The following IL18BP variants were observed in gnomAD, a reference collection of about 807,000 sequenced individuals.
IL18BP encodes the protein interleukin-18-binding protein.
Under a neutral mutation model 19.9 loss-of-function variants are expected in IL18BP, and 23 were observed. The observed-to-expected ratio is 1.15, with a 90% CI of 0.83 to 1.64. IL18BP has a LOEUF of 1.64. Among genes scored for constraint, IL18BP ranks in the 40% most tolerant of loss-of-function variants. The pLI, the probability that IL18BP is intolerant of heterozygous loss-of-function variation, is 0.00. For missense variants in IL18BP, 239 were observed against 240.7 expected, an observed-to-expected ratio of 0.99 and a Z score of 0.05; for synonymous variants, 107 against 101.0, an observed-to-expected ratio of 1.06 and a Z score of -0.35.
chr11:72,004,737 A>C (rs1478018132), downstream of IL18BP: 1 of 1,612,654 alleles, frequency 6.2e-7, no homozygotes, highest in Non-Finnish European at 8.5e-7. Flanking sequence ...GATTGGCTGC[A>C]TGCTGGCTCG....
Position 72,001,974 on chromosome 11 carries a change from C to CAG in IL18BP, c.*113_*114insAG. 6.9e-7 allele frequency: 1 copy of CAG among 1,452,130 alleles called. No individual in the cohort carries two copies. The highest frequency in any genetic ancestry group is 9.4e-7 in the Non-Finnish European group (1 of 1,068,492). The allele number at this position is 1,452,130 out of a possible 1,614,324, so 90.0% of individuals were successfully genotyped here. A position where few individuals can be genotyped will look rare whatever the true frequency, so the allele number is the denominator to read the frequency against. On this transcript the variant is annotated 3_prime_UTR_variant, in exon 6 of 6. Transcript: ENST00000393703. ...GTAGGCTGCGTGGATGCGCAACACA[C>CAG]CCCCTCCTTCTCTGCTTTGGGTCCC...
downstream of IL18BP, chr11:72,004,042 TC>T: frequency 6.2e-7 from 1 of 1,613,704 alleles, no homozygotes; most frequent in Non-Finnish European, 8.5e-7. Flanking sequence ...AGAAGGCTGT[TC>T]CCTAGCTTCT....
rs1396719015 is a variant in IL18BP, at chr11:72,000,536, C to T, written c.214C>T (p.Pro72Ser). Residue 72 changes from proline to serine, a missense_variant, in exon 3 of 6, where the codon CCA (proline) becomes TCA (serine). Coordinates refer to ENST00000393703, the MANE Select transcript of IL18BP (RefSeq NM_001039660.2). ...GTGTCCAGCATTGGAAGTGACCTGG[C>T]CAGAGGTGGAAGTGCCACTGAGTAA... The part of the protein sequence containing the change: ...KQCPALEVTW[P>S]EVEVPLNGTL... 6 of 1,611,988 alleles carry T rather than the reference C, an allele frequency of 3.7e-6. No homozygotes were observed. In the East Asian group the frequency reaches 1.1e-4, roughly 30 times the overall value.
At chr11:72,003,932 G>A (rs377519577), downstream of IL18BP, 24 of 1,613,150 alleles carry the variant, frequency 1.5e-5, no homozygotes, top group East Asian at 2.2e-5. Flanking sequence ...CAGCAGTGGC[G>A]GCGCTGGCTG....
chr11:72,003,828 T>C, downstream of IL18BP: 1 of 1,562,496 alleles, frequency 6.4e-7, no homozygotes, highest in Non-Finnish European at 8.8e-7. Flanking sequence ...GGTGGGGCGG[T>C]CTGGGGGGTG....
downstream of IL18BP, chr11:72,004,694 C>A (rs770671902): frequency 3.1e-6 from 5 of 1,613,574 alleles, 1 homozygote; most frequent in Admixed American, 8.3e-5. Context: ...TGCGCTGCTG[C>A]CGGGTGGTGA....
downstream of IL18BP, chr11:72,004,661 G>C (rs1955556560): frequency 6.2e-7 from 1 of 1,612,930 alleles, no homozygotes. Flanking sequence ...CAGGGCCCTG[G>C]TGGGGCTCTA....
At chr11:72,005,504 G>T (rs74748609), downstream of IL18BP, 1 of 771,384 alleles carries the variant, frequency 1.3e-6, no homozygotes, top group East Asian at 2.7e-5. Flanking sequence ...ATTCAGTGCC[G>T]CAGGTGCAGG....
chr11:72,004,914 G>GT, downstream of IL18BP: 1 of 1,199,142 alleles, frequency 8.3e-7, no homozygotes, highest in Non-Finnish European at 1.1e-6. Context: ...CGACACTTAT[G>GT]GTCGGGACCC....
At chr11:72,006,043 G>A (rs1164879993), downstream of IL18BP, 1 of 1,611,318 alleles carries the variant, frequency 6.2e-7, no homozygotes, top group Non-Finnish European at 8.5e-7. Flanking sequence ...ACCTGGAGGG[G>A]CCCCACTGGA....
chr11:72,003,250 GTTGTGATGGAGAAGTGA>G (rs1955384264), downstream of IL18BP: 5 of 504,616 alleles, frequency 9.9e-6, 1 homozygote, highest in South Asian at 1.3e-4. Context: ...CTCAAATCTG[GTTGTGATGGAGAAGTGA>G]CTTTGCTTTA....
downstream of IL18BP, chr11:72,006,335 A>G: frequency 7.6e-7 from 1 of 1,315,956 alleles, no homozygotes; most frequent in Middle Eastern, 1.9e-4. Flanking sequence ...TTCCCTTCCG[A>G]AGCCCTCAGA....
downstream of IL18BP, chr11:72,008,111 A>C (rs1422522889): frequency 8.3e-6 from 4 of 479,456 alleles, no homozygotes; most frequent in Non-Finnish European, 1.7e-5. Flanking sequence ...TTGTTGGGGG[A>C]CAAATCAGGT....
Position 72,002,211 on chromosome 11 carries a change from C to A in IL18BP, c.*350C>A. The A allele has an allele frequency of 3.2e-6, 1 of 308,500 alleles. No individual in the cohort carries two copies. Among genetic ancestry groups the A allele is most frequent in the Non-Finnish European group, 6.0e-6 (1 of 165,990 alleles). 19.1% of individuals were successfully genotyped at this position (308,500 alleles called of 1,614,324 possible). On this transcript the variant is annotated 3_prime_UTR_variant, in exon 6 of 6. Transcript: ENST00000393703. ...CTACCTGCATTTCCCACATGACTTT[C>A]TGGAAGCCTCCCAACTATTCTTGCT...
chr11:71,999,372 T>A, intron 1 of IL18BP: 1 of 309,862 alleles, frequency 3.2e-6, no homozygotes, highest in Admixed American at 4.6e-5. Flanking sequence ...AATTGATCTG[T>A]GAGAGACTCA....
At chr11:72,006,050 T>C, downstream of IL18BP, 3 of 1,612,442 alleles carry the variant, frequency 1.9e-6, no homozygotes, top group Non-Finnish European at 2.5e-6. Flanking sequence ...GGGGCCCCAC[T>C]GGACACCCCG....
At chr11:71,999,703 C>A in intron 1 of IL18BP, 1 of 449,774 alleles carries the variant, frequency 2.2e-6, no homozygotes, top group Non-Finnish European at 4.0e-6. Context: ...TTTTGCCTTC[C>A]CTAATGAAGG....
At chr11:72,004,766 G>T (rs1401873353), downstream of IL18BP, 6 of 1,602,102 alleles carry the variant, frequency 3.7e-6, no homozygotes, top group Non-Finnish European at 5.1e-6. Context: ...TCTCTTGGGG[G>T]TCTCCAGTTT....
chr11:72,004,225 C>T (rs984327447), downstream of IL18BP: 3 of 1,610,084 alleles, frequency 1.9e-6, no homozygotes, highest in African/African-American at 4.0e-5. Flanking sequence ...CCAGCCTCAC[C>T]TGTTTAGTAG....
Sources: gnomAD v4.1 joint callset for allele counts on GRCh38, gnomAD v4.1.1 for gene constraint, MANE v1.5 for transcripts, NCBI Gene and HGNC (gene_info 2026-07-23, HGNC 2026-07-21) for gene names.